The following BRDT variants were observed in gnomAD, a reference collection of about 807,000 sequenced individuals.
BRDT encodes bromodomain testis-specific protein.
BRDT carries 77 observed loss-of-function variants against 113.9 expected under a neutral mutation model. The ratio of observed to expected loss-of-function variants is 0.68; its 90% confidence interval spans 0.56 to 0.82. The LOEUF (loss-of-function observed/expected upper bound fraction) is 0.82. Ranked by LOEUF, BRDT falls within the 40% of genes least tolerant of loss-of-function variation. The pLI is 0.00. For missense variants in BRDT, 1,027 were observed against 1,105.4 expected (o/e 0.93, Z 1.01); for synonymous variants, 358 against 366.5 (o/e 0.98, Z 0.26).
At chr1:91,985,702 C>A (rs550460653) in intron 12 of BRDT, among the ~76,000 whole-genome samples, 1 of 145,740 alleles carries the variant, frequency 6.9e-6, no homozygotes, top group Non-Finnish European at 1.5e-5. Flanking sequence ...GCAGTGGCGC[C>A]GTCTGGGCTT....
At chr1:91,960,002 GCTC>G (rs1682258442) in intron 1 of BRDT, among the ~76,000 whole-genome samples, 1 of 152,104 alleles carries the variant, frequency 6.6e-6, no homozygotes, top group Admixed American at 6.6e-5. Context: ...AAGACCCACA[GCTC>G]CTCATACCTA....
Position 91,979,490 on chromosome 1 carries a change from G to A in BRDT, c.1099-79G>A, listed in dbSNP as rs923319803. 25 of 1,350,960 alleles carry A rather than the reference G, an allele frequency of 1.9e-5. No homozygotes were observed. The African/African-American group carries it at 3.7e-4, about 20-fold the overall frequency. The allele number at this position is 1,350,960 out of a possible 1,614,324, so 83.7% of individuals were successfully genotyped here. ...TCTGGTCAAAATATGACACTGAAAT[G>A]TACTTTTTGTTAAAAGCTGTGATTG... On this transcript the variant is annotated intron_variant, in intron 7 of 18. Transcript: ENST00000399546.
intron 14 of BRDT, 36 bp downstream of exon 14, chr1:91,992,350 G>T (rs1442440527): frequency 4.8e-6 from 6 of 1,261,892 alleles, no homozygotes; most frequent in Non-Finnish European, 6.2e-6. Context: ...AACAGGGGAA[G>T]AAATGGTTTA....
chr1:91,976,158 TGC>T, intron 4 of BRDT, 106 bp from the exon 5 acceptor site: 2 of 1,090,186 alleles, frequency 1.8e-6, no homozygotes, highest in Admixed American at 3.4e-5. Context: ...AAGTATCCTA[TGC>T]TTATATTGCT....
chr1:91,953,677 C>G (rs1681389483), intron 1 of BRDT, among the ~76,000 whole-genome samples: 2 of 152,086 alleles, frequency 1.3e-5, no homozygotes, highest in Non-Finnish European at 2.9e-5. Flanking sequence ...GAAAAAGATT[C>G]TTTTCAGAGT....
intron 2 of BRDT, 86 bp from the exon 3 acceptor site, chr1:91,964,541 G>T: frequency 1.2e-6 from 1 of 828,354 alleles, no homozygotes; most frequent in Admixed American, 3.5e-5. Flanking sequence ...CTAGTTGCAG[G>T]TGTATAGTGC....
intron 1 of BRDT, among the ~76,000 whole-genome samples, chr1:91,956,039 A>G (rs2101510327): frequency 6.6e-6 from 1 of 152,354 alleles, no homozygotes; most frequent in East Asian, 1.9e-4. Context: ...TTTTCTATAT[A>G]GCCTTCCCAC....
At chr1:91,965,275 C>A (rs1682940476) in intron 3 of BRDT, among the ~76,000 whole-genome samples, 1 of 152,076 alleles carries the variant, frequency 6.6e-6, no homozygotes, top group Admixed American at 6.6e-5. Context: ...TTTTCACATA[C>A]CAATACTTGT....
intron 1 of BRDT, chr1:91,952,310 A>C (rs1398560681): frequency 2.0e-5 from 3 of 152,184 alleles, no homozygotes; most frequent in Non-Finnish European, 4.4e-5. Flanking sequence ...TTGGGGGAAA[A>C]GCCAAGTGTG....
At chr1:91,954,714 G>C (rs548156157) in intron 1 of BRDT, among the ~76,000 whole-genome samples, 1 of 152,288 alleles carries the variant, frequency 6.6e-6, no homozygotes. Flanking sequence ...CCAGCACTTT[G>C]GGAGGCTGAG....
At chr1:91,976,204 C>T in intron 4 of BRDT, 62 bp from the exon 5 acceptor site, 16 of 1,420,138 alleles carry the variant, frequency 1.1e-5, no homozygotes, top group Non-Finnish European at 1.4e-5. Flanking sequence ...GAAAATAAGA[C>T]AGAAAGTGGT....
intron 18 of BRDT, among the ~76,000 whole-genome samples, chr1:92,010,267 ATTTTT>A (rs373305680): frequency 4.9e-5 from 5 of 101,056 alleles, no homozygotes; most frequent in East Asian, 2.8e-4. Flanking sequence ...TGCTCTTTTA[ATTTTT>A]TTTTTTTTTT....
intron 5 of BRDT, 122 bp from the exon 6 acceptor site, chr1:91,976,921 T>C (rs1425777826): frequency 1.3e-6 from 1 of 752,150 alleles, no homozygotes; most frequent in African/African-American, 1.8e-5. Flanking sequence ...ACAATATGTG[T>C]AAATTATCTA....
intron 4 of BRDT, among the ~76,000 whole-genome samples, chr1:91,968,480 A>T (rs1399236982): frequency 6.6e-6 from 1 of 152,232 alleles, no homozygotes; most frequent in Non-Finnish European, 1.5e-5. Context: ...CCTCAGAGCC[A>T]GCTTTCTTGT....
intron 11 of BRDT, 30 bp from the exon 12 acceptor site, chr1:91,981,588 G>A: frequency 6.2e-7 from 1 of 1,606,630 alleles, no homozygotes; most frequent in Non-Finnish European, 8.5e-7. Flanking sequence ...TAATTCTTCT[G>A]GCATTTTAAT....
At chr1:91,981,830 G>C (rs543036473) in intron 12 of BRDT, 75 bp downstream of exon 12, 1 of 1,450,056 alleles carries the variant, frequency 6.9e-7, no homozygotes, top group Non-Finnish European at 9.1e-7. Flanking sequence ...ATATTTTGAA[G>C]AAATATTTGT....
At chr1:91,960,011 A>T (rs1682258750) in intron 1 of BRDT, among the ~76,000 whole-genome samples, 1 of 152,104 alleles carries the variant, frequency 6.6e-6, no homozygotes, top group Non-Finnish European at 1.5e-5. Flanking sequence ...AGCTCCTCAT[A>T]CCTATTAGGA....
At chr1:91,966,960 T>G (rs1294720640) in intron 3 of BRDT, among the ~76,000 whole-genome samples, 1 of 152,066 alleles carries the variant, frequency 6.6e-6, no homozygotes, top group Non-Finnish European at 1.5e-5. Flanking sequence ...TCCCAGGTAC[T>G]CAGGAGGCTG....
chr1:91,983,873 G>A (rs147362672), intron 12 of BRDT, among the ~76,000 whole-genome samples: 78 of 151,836 alleles, frequency 5.1e-4, no homozygotes, highest in Middle Eastern at 3.4e-3. Context: ...GTAGAGATGG[G>A]GTTTCACCAT....
Sources: allele counts gnomAD v4.1 joint callset (sites outside exome capture counted in the v4.1 genomes callset), GRCh38; gene constraint gnomAD v4.1.1; transcripts MANE v1.5; gene names NCBI Gene and HGNC (gene_info 2026-07-23, HGNC 2026-07-21).